BCO1: variants seen among roughly 807,000 people sequenced by gnomAD.
BCO1 encodes beta-carotene oxygenase 1.
BCO1 carries 54 observed loss-of-function variants against 56.3 expected under a neutral mutation model. The ratio of observed to expected loss-of-function variants is 0.96; its 90% CI spans 0.77 to 1.20. The LOEUF is 1.20. BCO1 is among the 50% of genes most tolerant of loss of function. The pLI is 0.00. For missense variants in BCO1, 801 were observed against 690.9 expected, an observed-to-expected ratio of 1.16 and a Z score of -1.79; for synonymous variants, 318 against 266.1, an observed-to-expected ratio of 1.20 and a Z score of -1.90.
At chr16:81,274,316 T>C (rs1229416368) in intron 7 of BCO1, among the ~76,000 whole-genome samples, 1 of 138,058 alleles carries the variant, frequency 7.2e-6, no homozygotes, top group East Asian at 2.2e-4. Flanking sequence ...CAGGCTGGAG[T>C]GCAGTGGCGT....
chr16:81,262,403 C>T (rs1597358609), intron 4 of BCO1, 120 bp downstream of exon 4: 7 of 1,026,544 alleles, frequency 6.8e-6, no homozygotes, highest in East Asian at 4.9e-5. Context: ...CCTCTAACAC[C>T]GTTGGATCCC....
intron 5 of BCO1, among the ~76,000 whole-genome samples, chr16:81,267,603 ACT>A (rs923930498): frequency 4.6e-5 from 7 of 151,820 alleles, no homozygotes; most frequent in African/African-American, 1.7e-4. Context: ...GCAGAGGGAG[ACT>A]CTATCTCAGA....
At chr16:81,271,178 G>T (rs150130319) in intron 7 of BCO1, among the ~76,000 whole-genome samples, 274 of 151,606 alleles carry the variant, frequency 1.8e-3, no homozygotes, top group African/African-American at 6.4e-3. Context: ...GCAGTGCCAT[G>T]ATCTAAGCTC....
chr16:81,241,435 C>G (rs1159038070), intron 1 of BCO1, among the ~76,000 whole-genome samples: 1 of 152,208 alleles, frequency 6.6e-6, no homozygotes, highest in Non-Finnish European at 1.5e-5. Flanking sequence ...AACATGAATT[C>G]TAGAACACGA....
chr16:81,260,190 A>G (rs1906396845), intron 3 of BCO1, among the ~76,000 whole-genome samples: 1 of 152,216 alleles, frequency 6.6e-6, no homozygotes, highest in African/African-American at 2.4e-5. Context: ...GTTCATTAAA[A>G]GAGGACTGGT....
intron 2 of BCO1, among the ~76,000 whole-genome samples, chr16:81,247,342 G>C (rs975736322): frequency 6.6e-6 from 1 of 152,012 alleles, no homozygotes; most frequent in Non-Finnish European, 1.5e-5. Context: ...GCAAGGGCCT[G>C]ACACCTGGTA....
At chr16:81,277,154 C>G (rs953070955) in intron 7 of BCO1, among the ~76,000 whole-genome samples, 3 of 151,622 alleles carry the variant, frequency 2.0e-5, no homozygotes, top group African/African-American at 7.3e-5. Flanking sequence ...ACAGCCTGTT[C>G]CACGCCATCA....
chr16:81,253,844 TC>T (rs2151931973), intron 2 of BCO1, among the ~76,000 whole-genome samples: 1 of 152,238 alleles, frequency 6.6e-6, no homozygotes, highest in East Asian at 1.9e-4. Context: ...GCACCTATAG[TC>T]CCAGTTACTT....
intron 5 of BCO1, 86 bp from the exon 6 acceptor site, chr16:81,267,812 TCAGCAATCAA>T: frequency 9.4e-7 from 1 of 1,062,932 alleles, no homozygotes; most frequent in Non-Finnish European, 1.4e-6. Context: ...AAGGTTTTTT[TCAGCAATCAA>T]GTCAGTTTGT....
intron 4 of BCO1, chr16:81,263,669 C>G (rs909218097): frequency 1.3e-5 from 2 of 152,164 alleles, no homozygotes; most frequent in African/African-American, 4.8e-5. Context: ...TTCTATTGAC[C>G]TGAAGAGGGA....
intron 6 of BCO1, among the ~76,000 whole-genome samples, chr16:81,269,738 G>C (rs576309673): frequency 6.6e-6 from 1 of 152,322 alleles, no homozygotes; most frequent in East Asian, 1.9e-4. Context: ...AAAGTGCTGG[G>C]ATTACAGCAT....
At position 81,270,290 on chromosome 16, in the gene BCO1, C is replaced by T; in HGVS notation, c.975C>T (p.Ala325=). Residue 325 remains alanine (A), a synonymous_variant, in exon 7 of 11, where the codon GCC becomes GCT. Coordinates refer to ENST00000258168, the MANE Select transcript of BCO1 (RefSeq NM_017429.3). ...GCTGCATCGTGTTTGACGTCATTGC[C>T]TACGAGGACAACAGCCTCTACCAGC... is the stretch of plus-strand genomic sequence containing the variant. ...EDGCIVFDVI[A]YEDNSLYQLF... 6.2e-7 allele frequency: 1 copy of T among 1,614,196 alleles called. No homozygotes were observed. The highest frequency in any genetic ancestry group is 1.1e-5 in the South Asian group (1 of 91,084).
chr16:81,289,591 T>A (rs1283520026), intron 10 of BCO1, among the ~76,000 whole-genome samples: 1 of 152,156 alleles, frequency 6.6e-6, no homozygotes, highest in Non-Finnish European at 1.5e-5. Flanking sequence ...CAGTGAGCTG[T>A]GATCACACCA....
At chr16:81,262,105 A>C (rs1376280746) in intron 3 of BCO1, 31 bp from the exon 4 acceptor site, 1 of 1,611,858 alleles carries the variant, frequency 6.2e-7, no homozygotes. Context: ...GGACATAGCC[A>C]CTGACTCTGT....
intron 8 of BCO1, among the ~76,000 whole-genome samples, chr16:81,283,330 C>T (rs1030371720): frequency 6.6e-6 from 1 of 151,996 alleles, no homozygotes; most frequent in Non-Finnish European, 1.5e-5. Context: ...TTACTCATGC[C>T]TGTAATCCCA....
chr16:81,260,557 G>A (rs1415715747), intron 3 of BCO1, among the ~76,000 whole-genome samples: 1 of 152,036 alleles, frequency 6.6e-6, no homozygotes, highest in South Asian at 2.1e-4. Context: ...TGTCCAAGCT[G>A]GAGTGCAATG....
rs758970284 is a variant in BCO1, at chr16:81,270,396, G to C, written c.1081G>C (p.Val361Leu). The C allele has an allele frequency of 1.9e-6, 3 of 1,613,988 alleles. No individual in the cohort carries two copies. Among genetic ancestry groups the C allele is most frequent in the Non-Finnish European group, 2.5e-6 (3 of 1,180,008 alleles). ...TSVPTLRRFA[V>L]PLHVDKNAEV... ...GGTCCCCACCCTCAGGAGGTTTGCC[G>C]TGCCCCTCCACGTGGACAAGGTAAT... The change falls in exon 7 of 11, where the codon GTG (valine) becomes CTG (leucine). Residue 361 changes from valine (V) to leucine (L), a missense_variant. Transcript: ENST00000258168.
chr16:81,250,086 T>C (rs1359527369), intron 2 of BCO1, among the ~76,000 whole-genome samples: 1 of 152,196 alleles, frequency 6.6e-6, no homozygotes, highest in African/African-American at 2.4e-5. Context: ...AAGTGTTTCA[T>C]GTCCATCCAC....
chr16:81,259,613 G>A, intron 2 of BCO1, 63 bp from the exon 3 acceptor site: 1 of 1,610,180 alleles, frequency 6.2e-7, no homozygotes, highest in Non-Finnish European at 8.5e-7. Context: ...TACAAGGACT[G>A]ACATTGATTT....
Sources: gnomAD v4.1 joint callset for allele counts (sites outside exome capture counted in the v4.1 genomes callset) on GRCh38, gnomAD v4.1.1 for gene constraint, MANE v1.5 for transcripts, NCBI Gene and HGNC (gene_info 2026-07-23, HGNC 2026-07-21) for gene names.